HEMK2: variants seen among roughly 807,000 people sequenced by gnomAD.
HEMK2 encodes HemK methyltransferase 2, ETF1 glutamine and histone H4 lysine.
chr21:28,701,952 C>T, the HEMK2 span, among the ~76,000 whole-genome samples: 1 of 152,010 alleles, frequency 6.6e-6, no homozygotes, highest in East Asian at 1.9e-4. Context: ...CTACAGTAAC[C>T]AAAACAGCAC....
chr21:28,674,110 A>T, the HEMK2 span, among the ~76,000 whole-genome samples: 1 of 152,328 alleles, frequency 6.6e-6, no homozygotes, highest in Non-Finnish European at 1.5e-5. Flanking sequence ...ACCCACTAAA[A>T]GCAAGATGGC....
chr21:28,795,583 A>G, the HEMK2 span, among the ~76,000 whole-genome samples: 1 of 152,220 alleles, frequency 6.6e-6, no homozygotes, highest in Non-Finnish European at 1.5e-5. Context: ...AACAGATAAA[A>G]GGTACAGAAA....
chr21:28,577,657 G>C, the HEMK2 span, among the ~76,000 whole-genome samples: 3 of 151,986 alleles, frequency 2.0e-5, no homozygotes, highest in African/African-American at 7.2e-5. Context: ...AGCTACATTT[G>C]AATTTCAGCT....
the HEMK2 span, among the ~76,000 whole-genome samples, chr21:28,599,227 G>T: frequency 9.2e-5 from 14 of 152,332 alleles, no homozygotes; most frequent in Non-Finnish European, 1.6e-4. Flanking sequence ...TGTTGTATTA[G>T]TCCGTTTTCA....
the HEMK2 span, among the ~76,000 whole-genome samples, chr21:28,765,407 T>C: frequency 6.6e-6 from 1 of 152,130 alleles, no homozygotes; most frequent in Non-Finnish European, 1.5e-5. Context: ...GGTGAGATGA[T>C]AAATGTGTGT....
the HEMK2 span, among the ~76,000 whole-genome samples, chr21:28,664,608 T>A: frequency 2.7e-3 from 409 of 152,156 alleles, 1 homozygote; most frequent in African/African-American, 9.0e-3. Context: ...TTTTAAAAAA[T>A]ATATATATAT....
chr21:28,719,785 T>C, the HEMK2 span, among the ~76,000 whole-genome samples: 4 of 152,198 alleles, frequency 2.6e-5, no homozygotes, highest in African/African-American at 9.7e-5. Flanking sequence ...ATGCAAGTGT[T>C]GACGAAAAGC....
the HEMK2 span, among the ~76,000 whole-genome samples, chr21:28,724,738 A>T: frequency 6.6e-6 from 1 of 152,196 alleles, no homozygotes; most frequent in South Asian, 2.1e-4. Flanking sequence ...CTGGCTTTTG[A>T]CAGATCAGCT....
At chr21:28,831,517 A>AGG in the HEMK2 span, among the ~76,000 whole-genome samples, 3 of 97,720 alleles carry the variant, frequency 3.1e-5, no homozygotes, top group Admixed American at 3.5e-4. Flanking sequence ...GAAAGAAAGA[A>AGG]AGAAAGAAGG....
At chr21:28,769,569 G>A in the HEMK2 span, among the ~76,000 whole-genome samples, 33 of 152,208 alleles carry the variant, frequency 2.2e-4, no homozygotes, top group African/African-American at 7.7e-4. Context: ...TCTTGAGGGT[G>A]ATATAAAATA....
chr21:28,698,767 T>C, the HEMK2 span, among the ~76,000 whole-genome samples: 1 of 152,212 alleles, frequency 6.6e-6, no homozygotes, highest in Non-Finnish European at 1.5e-5. Flanking sequence ...TTTTCATGAA[T>C]ATATTTTCTA....
At chr21:28,607,802 T>G in the HEMK2 span, among the ~76,000 whole-genome samples, 1 of 152,140 alleles carries the variant, frequency 6.6e-6, no homozygotes, top group African/African-American at 2.4e-5. Context: ...TAATAAAGGT[T>G]TAAATTAAGA....
the HEMK2 span, among the ~76,000 whole-genome samples, chr21:28,680,280 C>T: frequency 2.6e-5 from 4 of 152,176 alleles, no homozygotes; most frequent in Admixed American, 6.5e-5. Flanking sequence ...CACCTCTACA[C>T]AAATAAATTA....
chr21:28,818,919 A>G, the HEMK2 span, among the ~76,000 whole-genome samples: 1 of 152,214 alleles, frequency 6.6e-6, no homozygotes, highest in South Asian at 2.1e-4. Context: ...TTACAGAGGA[A>G]TGTTCTGGCT....
chr21:28,667,535 C>T, the HEMK2 span, among the ~76,000 whole-genome samples: 2 of 151,978 alleles, frequency 1.3e-5, no homozygotes, highest in African/African-American at 4.8e-5. Flanking sequence ...AATCAGACTG[C>T]TTTTCTAGGA....
chr21:28,585,468 AC>A, the HEMK2 span, among the ~76,000 whole-genome samples: 2 of 152,108 alleles, frequency 1.3e-5, no homozygotes, highest in African/African-American at 4.8e-5. Context: ...CAGATAAAGA[AC>A]ATAGAGTACC....
At chr21:28,639,955 T>C in the HEMK2 span, among the ~76,000 whole-genome samples, 1 of 151,006 alleles carries the variant, frequency 6.6e-6, no homozygotes, top group Non-Finnish European at 1.5e-5. Flanking sequence ...TCTGAGGGGG[T>C]GGAGGAGGTT....
chr21:28,638,811 C>T, the HEMK2 span, among the ~76,000 whole-genome samples: 1 of 152,176 alleles, frequency 6.6e-6, no homozygotes, highest in Non-Finnish European at 1.5e-5. Context: ...CTCATATGCA[C>T]CAGCACGCTA....
the HEMK2 span, among the ~76,000 whole-genome samples, chr21:28,585,433 T>C: frequency 7.9e-5 from 12 of 151,882 alleles, no homozygotes; most frequent in Non-Finnish European, 1.5e-4. Context: ...ACCAGACCCA[T>C]AAAGGCTCCA....
Sources: allele counts gnomAD v4.1 joint callset (sites outside exome capture counted in the v4.1 genomes callset), GRCh38; gene constraint gnomAD v4.1.1; transcripts MANE v1.5; gene names NCBI Gene and HGNC (gene_info 2026-07-23, HGNC 2026-07-21).